Variants in DYNC2I2 observed in about 807,000 individuals in gnomAD.
DYNC2I2 encodes dynein 2 intermediate chain 2.
DYNC2I2 carries 39 observed loss-of-function variants against 52.0 expected under a neutral mutation model. The ratio of observed to expected loss-of-function variants is 0.75; its 90% CI spans 0.58 to 0.98. The LOEUF (loss-of-function observed/expected upper bound fraction) is 0.98, where lower values mean the gene tolerates loss of function less well. Ranked by LOEUF, DYNC2I2 falls within the 50% of genes least tolerant of loss-of-function variation. The probability of loss-of-function intolerance (pLI) is 0.00; values close to 1 mark genes in which losing one functional copy is unlikely to be tolerated. For missense variants in DYNC2I2, 743 were observed against 728.4 expected (o/e 1.02, Z -0.23); for synonymous variants, 359 against 321.1 (o/e 1.12, Z -1.26).
intron 3 of DYNC2I2, 110 bp from the exon 4 acceptor site, chr9:128,636,548 C>G (rs1216329483): frequency 8.0e-6 from 10 of 1,249,262 alleles, no homozygotes; most frequent in Non-Finnish European, 1.0e-5. Flanking sequence ...CTTGTCACCA[C>G]CAGACACTAC....
At chr9:128,669,612 G>C in the DYNC2I2 span, among the ~76,000 whole-genome samples, 1 of 152,098 alleles carries the variant, frequency 6.6e-6, no homozygotes. Context: ...TAGGAGAATC[G>C]CTTGAACCTA....
upstream of DYNC2I2, among the ~76,000 whole-genome samples, chr9:128,657,057 C>G (rs952154040): frequency 1.3e-5 from 2 of 152,212 alleles, no homozygotes; most frequent in Admixed American, 6.5e-5. Context: ...GGGCGGCAGC[C>G]TGCGGCCGTG....
At chr9:128,653,323 G>T (rs1860754153) in intron 1 of DYNC2I2, among the ~76,000 whole-genome samples, 1 of 150,404 alleles carries the variant, frequency 6.6e-6, no homozygotes, top group Non-Finnish European at 1.5e-5. Flanking sequence ...CAGATGACTT[G>T]AGGCCAGGAG....
At chr9:128,656,848 T>G (rs1340847565), upstream of DYNC2I2, 1 of 997,132 alleles carries the variant, frequency 1.0e-6, no homozygotes, top group Non-Finnish European at 1.3e-6. Context: ...TCGCAGCGCC[T>G]CCTGCAAGAC....
In DYNC2I2 at chr9:128,635,329, ACCCT is replaced by A; in HGVS notation, c.814-74_814-71del. The A allele has an allele frequency of 2.0e-6, 3 of 1,506,730 alleles. No homozygotes were observed. In the South Asian group the frequency reaches 3.9e-5, roughly 19 times the overall value. The allele number at this position is 1,506,730 out of a possible 1,614,324, so 93.3% of individuals were successfully genotyped here. On this transcript the variant is annotated intron_variant, in intron 5 of 8. Transcript: ENST00000372715. ...TGCCCAGGTGTCACGCTCCACCCCTACCCTCCCTCTCTTCCAGGAAAAAAAAAAA... is the reference window on the plus strand; with the variant it reads ...TGCCCAGGTGTCACGCTCCACCCCTACCCTCTCTTCCAGGAAAAAAAAAAA...
rs746286697 is a variant in DYNC2I2, at chr9:128,634,262, C to A, written c.1336G>T (p.Val446Leu). The change falls in exon 8 of 9, where the codon GTG (valine) becomes TTG (leucine). Residue 446 changes from valine to leucine, a missense_variant. Transcript: ENST00000372715. ...KYLFAVRWSP[V>L]RPLVFAAASG... ...GCAGCTGCAAAAACCAAGGGCCGCA[C>A]TGGGGACCAGCGCACAGCAAACAGA... is the stretch of plus-strand genomic sequence containing the variant. 2 of 1,613,876 alleles carry A rather than the reference C, an allele frequency of 1.2e-6. No homozygotes were observed. The highest frequency in any genetic ancestry group is 1.7e-5 in the Admixed American group (1 of 60,028).
Position 128,633,804 on chromosome 9 carries a change from C to T in DYNC2I2, c.1551G>A (p.Thr517=), listed in dbSNP as rs148693978. ...VKVWQLSTEF[T]EQGPREAEDL... The stretch of plus-strand genomic sequence containing the variant: ...CCTCAGCTTCCCGGGGCCCTTGTTC[C>T]GTGAACTCTGTGCTCAGCTGCCACA... Residue 517 remains threonine (T), a synonymous_variant, in exon 9 of 9, where the codon ACG becomes ACA. Coordinates refer to ENST00000372715, the MANE Select transcript of DYNC2I2 (RefSeq NM_052844.4). 134 of 1,613,476 alleles carry T rather than the reference C, an allele frequency of 8.3e-5. No homozygotes were observed. The highest frequency in any genetic ancestry group is 6.0e-4 in the South Asian group (55 of 91,088).
At chr9:128,655,335 T>TGAAAAAAAAAAAA (rs1860796654) in intron 1 of DYNC2I2, among the ~76,000 whole-genome samples, 1 of 18,684 alleles carries the variant, frequency 5.4e-5, no homozygotes, top group Non-Finnish European at 1.1e-4. Context: ...CCGTCTCTAC[T>TGAAAAAAAAAAAA]AAAAAAAAAA....
the DYNC2I2 span, among the ~76,000 whole-genome samples, chr9:128,674,609 G>A: frequency 6.6e-6 from 1 of 152,098 alleles, no homozygotes; most frequent in Non-Finnish European, 1.5e-5. Context: ...TGGGCATGGT[G>A]GCACGCACCT....
chr9:128,660,064 C>CA (rs752364787), upstream of DYNC2I2, among the ~76,000 whole-genome samples: 10,585 of 73,524 alleles, frequency 0.14, 509 homozygotes, highest in East Asian at 0.22. Context: ...GAGACCCTGT[C>CA]AAAAAAAAAA....
In DYNC2I2 at chr9:128,652,487, G is replaced by A. The variant is rs144071833; in HGVS notation, c.186+4054C>T. Among the ~76,000 whole-genome samples the A allele has an allele frequency of 3.9e-4, 58 of 150,094 alleles. 2 individuals carry two copies. The highest frequency in any genetic ancestry group is 1.4e-3 in the African/African-American group (56 of 40,076). The stretch of plus-strand genomic sequence containing the variant: ...AAGTACCAAGAGTTGGCCAGGTGCT[G>A]TGGTACACACCTGTACTCCTAGGTA... On this transcript the variant is annotated intron_variant, in intron 1 of 8. Coordinates refer to ENST00000372715, the MANE Select transcript of DYNC2I2 (RefSeq NM_052844.4).
intron 1 of DYNC2I2, among the ~76,000 whole-genome samples, chr9:128,645,994 A>C (rs1860610528): frequency 6.6e-6 from 1 of 152,194 alleles, no homozygotes; most frequent in African/African-American, 2.4e-5. Flanking sequence ...CTTCAACTCC[A>C]TGAAGGCTGA....
In DYNC2I2 at chr9:128,633,725, A is replaced by C. The variant is rs758250566; in HGVS notation, c.*19T>G. 5.0e-6 allele frequency: 8 copies of C among 1,607,778 alleles called. No individual in the cohort carries two copies. The highest frequency in any genetic ancestry group is 5.9e-6 in the Non-Finnish European group (7 of 1,177,944). On this transcript the variant is annotated 3_prime_UTR_variant, in exon 9 of 9. Coordinates refer to ENST00000372715, the MANE Select transcript of DYNC2I2 (RefSeq NM_052844.4). ...AAGGCTCGGCACAGCGAAGGCTTGC[A>C]CCCGCCTCCCGGGACCCCTCAGGCC...
the DYNC2I2 span, among the ~76,000 whole-genome samples, chr9:128,670,766 A>G: frequency 7.8e-3 from 1,160 of 147,784 alleles, 15 homozygotes; most frequent in African/African-American, 0.022. Context: ...AAAAAAAAAA[A>G]AGAGAGAGAG....
the DYNC2I2 span, among the ~76,000 whole-genome samples, chr9:128,683,272 CT>C: frequency 3.9e-4 from 20 of 51,908 alleles, 1 homozygote; most frequent in South Asian, 7.9e-4. Flanking sequence ...GTAATTCTTT[CT>C]TTCTTCTTTT....
At chr9:128,680,523 G>A in the DYNC2I2 span, among the ~76,000 whole-genome samples, 2 of 151,352 alleles carry the variant, frequency 1.3e-5, no homozygotes, top group Admixed American at 6.6e-5. Context: ...GACTACAGGC[G>A]CCCGCCACCA....
chr9:128,656,356 C>T (rs918257832), intron 1 of DYNC2I2, among the ~76,000 whole-genome samples, 185 bp downstream of exon 1: 5 of 151,946 alleles, frequency 3.3e-5, no homozygotes, highest in Non-Finnish European at 7.4e-5. Context: ...AAAGTATCCT[C>T]TGGGTCAGTT....
chr9:128,660,562 A>AT (rs1228452811), upstream of DYNC2I2, among the ~76,000 whole-genome samples: 9 of 148,658 alleles, frequency 6.1e-5, no homozygotes, highest in Admixed American at 1.4e-4. Context: ...CGCTCAACTA[A>AT]TTTTTTGTAT....
chr9:128,633,873 C>A lies in DYNC2I2; in HGVS notation c.1482G>T (p.Gln494His). The A allele has an allele frequency of 6.2e-7, 1 of 1,613,538 alleles. No individual in the cohort carries two copies. The highest frequency in any genetic ancestry group is 8.5e-7 in the Non-Finnish European group (1 of 1,180,048). The change falls in exon 9 of 9, where the codon CAG becomes CAT. Residue 494 changes from glutamine to histidine, a missense_variant. Gln to His is a conservative substitution (Grantham distance 24, BLOSUM62 0). Transcript: ENST00000372715. ...PVYCLEFNSQ[Q>H]TQLLAAGDAQ... ...CATCGCCCGCAGCCAAGAGCTGAGT[C>A]TGCTGGCTGTTGAACTCCAGACAGT...
Sources: gnomAD v4.1 joint callset for allele counts (sites outside exome capture counted in the v4.1 genomes callset) on GRCh38, gnomAD v4.1.1 for gene constraint, MANE v1.5 for transcripts, NCBI Gene and HGNC (gene_info 2026-07-23, HGNC 2026-07-21) for gene names.